The following JAKMIP1 variants were observed in gnomAD, a reference collection of about 807,000 sequenced individuals.
JAKMIP1 encodes janus kinase and microtubule interacting protein 1.
JAKMIP1 carries 33 observed loss-of-function variants against 113.0 expected under a neutral mutation model. The observed-to-expected ratio is 0.29, with a 90% CI of 0.22 to 0.39. JAKMIP1 has a LOEUF of 0.39. Among genes scored for constraint, JAKMIP1 ranks in the 10% least tolerant of loss-of-function variants. JAKMIP1 has a pLI of 1.00. For synonymous variants in JAKMIP1, 480 were observed against 459.9 expected (o/e 1.04, Z -0.56); for missense variants, 813 against 1,080.5 (o/e 0.75, Z 3.47).
At chr4:6,066,285 A>G (rs543616995) in intron 8 of JAKMIP1, among the ~76,000 whole-genome samples, 2 of 152,306 alleles carry the variant, frequency 1.3e-5, no homozygotes, top group African/African-American at 4.8e-5. Context: ...TTAGGAAATA[A>G]TTCAGACATA....
chr4:6,134,476 A>C (rs1403598545), intron 1 of JAKMIP1, among the ~76,000 whole-genome samples: 2 of 152,044 alleles, frequency 1.3e-5, no homozygotes, highest in African/African-American at 4.8e-5. Flanking sequence ...TCTTCTTTAA[A>C]ATTCAGCTTG....
intron 1 of JAKMIP1, among the ~76,000 whole-genome samples, chr4:6,165,185 A>T (rs1196111887): frequency 6.6e-6 from 1 of 152,248 alleles, no homozygotes; most frequent in Non-Finnish European, 1.5e-5. Context: ...CTGATCAGTC[A>T]ACAGCCATTA....
chr4:6,095,545 T>C (rs944430138), intron 3 of JAKMIP1, among the ~76,000 whole-genome samples: 2 of 152,188 alleles, frequency 1.3e-5, no homozygotes, highest in Admixed American at 1.3e-4. Flanking sequence ...TTTAACCTTC[T>C]GTGTTCACTT....
chr4:6,166,765 G>T (rs75428391), intron 1 of JAKMIP1, among the ~76,000 whole-genome samples: 8 of 152,166 alleles, frequency 5.3e-5, no homozygotes, highest in African/African-American at 1.9e-4. Flanking sequence ...GGGGTGCTGC[G>T]CACTTTCGCT....
At position 6,029,724 on chromosome 4, in the gene JAKMIP1, C is replaced by T. The variant is rs764551984; in HGVS notation, c.2437G>A (p.Glu813Lys). The change falls in exon 20 of 21, where the codon GAG (glutamate) becomes AAG (lysine). Residue 813 changes from glutamate to lysine, a missense_variant. Physicochemically the swap from Glu to Lys is moderately conservative, Grantham distance 56. Coordinates refer to ENST00000409021, the MANE Select transcript of JAKMIP1 (RefSeq NM_001099433.2). ...EFQKRHLKEL[E>K]EKFLFLFLFF... ...GAGCTGCAGTCACCTACCTTTTCCT[C>T]CAGTTCTTTCAGGTGCCGCTTCTGA... is the stretch of plus-strand genomic sequence containing the variant. 6.2e-7 allele frequency: 1 copy of T among 1,600,614 alleles called. No individual in the cohort carries two copies. The highest frequency in any genetic ancestry group is 8.5e-7 in the Non-Finnish European group (1 of 1,172,644).
intron 2 of JAKMIP1, among the ~76,000 whole-genome samples, chr4:6,110,917 C>T (rs528506954): frequency 4.3e-4 from 65 of 152,022 alleles, no homozygotes; most frequent in African/African-American, 1.4e-3. Context: ...GCCCCAGCCC[C>T]GGAGGTGACC....
Position 6,036,008 on chromosome 4 carries a change from G to A in JAKMIP1, c.2275C>T (p.Gln759Ter). ...CTGCGCACCTTTTCCACAGCAGCCT[G>A]CAGGTCCTCCCGCTGGCCCTCGCTC... ...ALSEGQREDL[Q>*]AAVEKVRRQI... The change falls in exon 19 of 21, where the codon CAG (glutamine) becomes TAG (stop). Residue 759 changes from glutamine (Q) to a stop codon, truncating the protein, a stop_gained. Coordinates refer to ENST00000409021, the MANE Select transcript of JAKMIP1 (RefSeq NM_001099433.2). LOFTEE classifies it high-confidence loss of function. 6.4e-7 allele frequency: 1 copy of A among 1,552,126 alleles called. No individual in the cohort carries two copies. Among genetic ancestry groups the A allele is most frequent in the Non-Finnish European group, 8.7e-7 (1 of 1,147,254 alleles).
chr4:6,180,067 G>A lies in JAKMIP1; in HGVS notation c.-148+20186C>T, dbSNP rs746273299. 1.5e-4 allele frequency among the ~76,000 whole-genome samples: 23 copies of A among 152,148 alleles called. No homozygotes were observed. Among genetic ancestry groups the A allele is most frequent in the Admixed American group, 7.9e-4 (12 of 15,278 alleles). On this transcript the variant is annotated intron_variant, in intron 1 of 20. Coordinates refer to ENST00000409021, the MANE Select transcript of JAKMIP1 (RefSeq NM_001099433.2). This position sits in a 1 kb window ranked among gnomAD's most constrained non-coding sequence, Gnocchi z 4.5. The stretch of plus-strand genomic sequence containing the variant: ...CAGCAGGCTCCTTCCTGCACAACAA[G>A]CCATGACCCTCTTAGAACAAAGCAT...
rs1197731480 is a variant in JAKMIP1, at chr4:6,106,903, C to T, written c.130-936G>A. ...GACAAGCTGCTTCCAGGGAAAATGG[C>T]AATGTTTTTCCCCAGACCACACTGT... On this transcript the variant is annotated intron_variant, in intron 2 of 20. Transcript: ENST00000409021. The surrounding 1 kb of genome is among the most constrained non-coding windows in gnomAD (Gnocchi z 5.9). Among the ~76,000 whole-genome samples, 1 of 152,112 alleles carries T rather than the reference C, an allele frequency of 6.6e-6. No individual in the cohort carries two copies. Among genetic ancestry groups the T allele is most frequent in the Admixed American group, 6.6e-5 (1 of 15,264 alleles).
chr4:6,056,303 G>A (rs1716450309), intron 12 of JAKMIP1, among the ~76,000 whole-genome samples: 1 of 149,836 alleles, frequency 6.7e-6, no homozygotes, highest in African/African-American at 2.5e-5. Context: ...AGGGGTCCCA[G>A]AGGTTGGGGC....
At chr4:6,030,358 C>G (rs1712457748) in intron 19 of JAKMIP1, among the ~76,000 whole-genome samples, 1 of 152,142 alleles carries the variant, frequency 6.6e-6, no homozygotes. Context: ...GACCGACAGA[C>G]CCGGTTTGCC....
At position 6,192,995 on chromosome 4, in the gene JAKMIP1, A is replaced by G. The variant is rs1235947511; in HGVS notation, c.-148+7258T>C. On this transcript the variant is annotated intron_variant, in intron 1 of 20. Transcript: ENST00000409021. The surrounding 1 kb of genome is among the most constrained non-coding windows in gnomAD (Gnocchi z 5.0). Reference sequence around the variant, plus strand: ...CCCAAAAGAGATTAACAATTGAGTCAGTGGACTGGGAGAGGCAGACCCACC... The same window carrying G: ...CCCAAAAGAGATTAACAATTGAGTCGGTGGACTGGGAGAGGCAGACCCACC... Among the ~76,000 whole-genome samples, 2 of 152,174 alleles carry G rather than the reference A, an allele frequency of 1.3e-5. No homozygotes were observed. Among genetic ancestry groups the G allele is most frequent in the African/African-American group, 2.4e-5 (1 of 41,440 alleles).
At chr4:6,149,160 C>T (rs1276914113) in intron 1 of JAKMIP1, among the ~76,000 whole-genome samples, 3 of 152,210 alleles carry the variant, frequency 2.0e-5, no homozygotes, top group South Asian at 2.1e-4. Flanking sequence ...GAGCTGAATG[C>T]TTTGTCGGGT....
Position 6,120,974 on chromosome 4 carries a change from C to T in JAKMIP1, c.-147-7977G>A, listed in dbSNP as rs141646427. 3.8e-3 allele frequency among the ~76,000 whole-genome samples: 571 copies of T among 152,200 alleles called. 7 individuals are homozygous for T. The highest frequency in any genetic ancestry group is 0.013 in the African/African-American group (556 of 41,518). ...CAGCACTTTGGGAGGCCGAGGCAAGCGGATCACCTGAGATCAGGAGTTCAA... is the reference window on the plus strand; with the variant it reads ...CAGCACTTTGGGAGGCCGAGGCAAGTGGATCACCTGAGATCAGGAGTTCAA... On this transcript the variant is annotated intron_variant, in intron 1 of 20. Transcript: ENST00000409021.
rs1720616867 is a variant in JAKMIP1 at position 6,081,927 on chromosome 4, T to C, written c.955-172A>G. ...ACAATGGGCAAGTTCTCAGCCTCAG[T>C]TTCCTCATCTATCAAATGAGAATCA... On this transcript the variant is annotated intron_variant, in intron 5 of 20. Transcript: ENST00000409021. This position sits in a 1 kb window ranked among gnomAD's most constrained non-coding sequence, Gnocchi z 4.6. Among the ~76,000 whole-genome samples, 1 of 152,174 alleles carries C rather than the reference T, an allele frequency of 6.6e-6. No homozygotes were observed. Among genetic ancestry groups the C allele is most frequent in the South Asian group, 2.1e-4 (1 of 4,826 alleles).
intron 1 of JAKMIP1, among the ~76,000 whole-genome samples, chr4:6,114,834 G>A (rs995363135): frequency 8.5e-5 from 13 of 152,166 alleles, no homozygotes; most frequent in African/African-American, 1.9e-4. Context: ...ATCAGCCTTC[G>A]AGTCTGAAGT....
intron 3 of JAKMIP1, among the ~76,000 whole-genome samples, chr4:6,101,732 C>CAAAAAAAAAAAAAAA (rs56084278): frequency 1.0e-5 from 1 of 96,594 alleles, no homozygotes. Context: ...ACTAAAAATA[C>CAAAAAAAAAAAAAAA]AAAAAAAAAA....
intron 1 of JAKMIP1, among the ~76,000 whole-genome samples, chr4:6,126,035 AAC>A (rs781526739): frequency 6.0e-5 from 9 of 149,110 alleles, no homozygotes; most frequent in African/African-American, 1.7e-4. Context: ...ACCATGCAGA[AAC>A]ACACACACAC....
At chr4:6,066,503 C>T (rs150875669) in intron 8 of JAKMIP1, among the ~76,000 whole-genome samples, 3 of 152,122 alleles carry the variant, frequency 2.0e-5, no homozygotes, top group Admixed American at 6.5e-5. Context: ...CAGACTCATA[C>T]GTCAGCTGCG....
Sources: allele counts gnomAD v4.1 joint callset (sites outside exome capture counted in the v4.1 genomes callset), GRCh38; gene constraint gnomAD v4.1.1; non-coding constraint Gnocchi (gnomAD v3.1); transcripts MANE v1.5; gene names NCBI Gene and HGNC (gene_info 2026-07-23, HGNC 2026-07-21).